Variants in HTR4 observed in about 807,000 individuals in gnomAD.
HTR4 encodes the protein 5-hydroxytryptamine receptor 4, also known as 5-hydroxytryptamine (serotonin) receptor 4, G protein-coupled.
Under a neutral mutation model 36.8 loss-of-function variants are expected in HTR4, and 16 were observed. The observed-to-expected ratio is 0.43, with a 90% CI of 0.29 to 0.66. HTR4 has a LOEUF of 0.66. Among genes scored for constraint, HTR4 ranks in the 30% least tolerant of loss-of-function variants. HTR4 has a pLI of 0.13. For missense variants in HTR4, 438 were observed against 490.9 expected (o/e 0.89, Z 1.02); for synonymous variants, 189 against 185.1 (o/e 1.02, Z -0.17).
chr5:148,586,968 A>T (rs1761371822), intron 2 of HTR4, among the ~76,000 whole-genome samples: 1 of 152,108 alleles, frequency 6.6e-6, no homozygotes, highest in African/African-American at 2.4e-5. Flanking sequence ...CTGCACTCTG[A>T]TGGCCCTGGG....
At chr5:148,541,838 G>A (rs920282006) in intron 4 of HTR4, among the ~76,000 whole-genome samples, 4 of 152,078 alleles carry the variant, frequency 2.6e-5, no homozygotes, top group African/African-American at 9.7e-5. Context: ...CACTCCCCAG[G>A]CCTCACCAAC....
intron 2 of HTR4, among the ~76,000 whole-genome samples, chr5:148,621,563 A>C (rs1015133199): frequency 6.6e-6 from 1 of 152,240 alleles, no homozygotes; most frequent in African/African-American, 2.4e-5. Flanking sequence ...GCTGTGGTCC[A>C]GCAAGTTTGT....
At chr5:148,616,190 C>A (rs1262443845) in intron 2 of HTR4, among the ~76,000 whole-genome samples, 3 of 152,154 alleles carry the variant, frequency 2.0e-5, no homozygotes, top group Non-Finnish European at 4.4e-5. Context: ...GACACACATG[C>A]TGTTGGATAT....
intron 4 of HTR4, among the ~76,000 whole-genome samples, chr5:148,532,762 A>G (rs751928021): frequency 1.1e-4 from 16 of 152,252 alleles, no homozygotes; most frequent in Non-Finnish European, 2.4e-4. Flanking sequence ...GTAGACAAAA[A>G]TAAGCCTAAA....
rs1429670239 is a variant in HTR4 at position 148,507,079 on chromosome 5, G to A, written c.1076+2377C>T. The stretch of plus-strand genomic sequence containing the variant: ...GCTATAAAGACACATGCACACGTAT[G>A]TTTATTGCGGCACTATTCACAATAG... On this transcript the variant is annotated intron_variant, in intron 6 of 6. Coordinates refer to ENST00000377888, the MANE Select transcript of HTR4 (RefSeq NM_000870.7). 6.6e-5 allele frequency among the ~76,000 whole-genome samples: 10 copies of A among 152,204 alleles called. 1 individual carries two copies. Among genetic ancestry groups the A allele is most frequent in the Admixed American group, 6.6e-4 (10 of 15,258 alleles).
intron 2 of HTR4, among the ~76,000 whole-genome samples, chr5:148,600,976 CAAAAAAAAAAAAAA>C (rs58003522): frequency 7.4e-5 from 1 of 13,546 alleles, no homozygotes; most frequent in Non-Finnish European, 1.3e-4. Context: ...AACTCAATAG[CAAAAAAAAAAAAAA>C]AAAAAAAAAA....
downstream of HTR4, among the ~76,000 whole-genome samples, chr5:148,472,556 T>C (rs1163886115): frequency 1.3e-5 from 2 of 152,164 alleles, no homozygotes; most frequent in Admixed American, 1.3e-4. Context: ...TTCTCTTTGG[T>C]ATGTAGGCCT....
intron 6 of HTR4, among the ~76,000 whole-genome samples, chr5:148,492,680 T>A (rs1196841150): frequency 6.6e-6 from 1 of 152,250 alleles, no homozygotes; most frequent in Non-Finnish European, 1.5e-5. Flanking sequence ...CCTGAACGGA[T>A]GTTATCAATT....
intron 2 of HTR4, among the ~76,000 whole-genome samples, chr5:148,577,602 T>G (rs1014552285): frequency 6.6e-6 from 1 of 151,938 alleles, no homozygotes; most frequent in African/African-American, 2.4e-5. Flanking sequence ...ATAAAGAAAA[T>G]GTGGTACATA....
In HTR4 at chr5:148,482,166, T is replaced by A; in HGVS notation, c.*1037A>T. ...AGCATTGCCTCGGCATCCCCAGTGC[T>A]GCTGGATCCTGCCCTCCTGCACCTT... is the stretch of plus-strand genomic sequence containing the variant. On this transcript the variant is annotated 3_prime_UTR_variant, in exon 7 of 7. Transcript: ENST00000377888. The A allele has an allele frequency of 1.0e-6, 1 of 985,768 alleles. No homozygotes were observed. The highest frequency in any genetic ancestry group is 1.2e-6 in the Non-Finnish European group (1 of 830,220). 61.1% of individuals were successfully genotyped at this position (985,768 alleles called of 1,614,324 possible). A position where few individuals can be genotyped will look rare whatever the true frequency, so the allele number is the denominator to read the frequency against.
intron 4 of HTR4, among the ~76,000 whole-genome samples, chr5:148,524,493 C>A (rs551157928): frequency 7.4e-4 from 113 of 152,310 alleles, no homozygotes; most frequent in African/African-American, 2.7e-3. Flanking sequence ...TAACTTTCTT[C>A]CTGCCTCCAG....
rs117718617 is a variant in HTR4, at chr5:148,496,763, G to A, written c.1076+12693C>T. Among the ~76,000 whole-genome samples the A allele has an allele frequency of 9.6e-4, 146 of 152,308 alleles. 3 individuals are homozygous for A. The East Asian group carries it at 0.027, about 28-fold the overall frequency. On this transcript the variant is annotated intron_variant, in intron 6 of 6. Transcript: ENST00000377888. The stretch of plus-strand genomic sequence containing the variant: ...CATCACCAGTGATGACAAGGAAACT[G>A]TTGATTTGTTAGCAATTCCCTCAGC...
chr5:148,523,369 A>G, intron 4 of HTR4, 23 bp from the exon 5 acceptor site: 3 of 1,581,104 alleles, frequency 1.9e-6, no homozygotes, highest in Non-Finnish European at 2.6e-6. Context: ...TAGAGGGCAG[A>G]GCATAGGCAT....
At chr5:148,529,528 G>T (rs943554965) in intron 4 of HTR4, among the ~76,000 whole-genome samples, 2 of 152,204 alleles carry the variant, frequency 1.3e-5, no homozygotes, top group African/African-American at 4.8e-5. Context: ...TGATTGTGAG[G>T]CTTCCCCATC....
At position 148,550,275 on chromosome 5, in the gene HTR4, C is replaced by T; in HGVS notation, c.27-13G>A. The T allele has an allele frequency of 6.2e-7, 1 of 1,613,702 alleles. No individual in the cohort carries two copies. ...ACCCTCCTCAGAACTGAAAGACACA[C>T]ACAAGCACAAAGAATTGAATGAAAC... On this transcript the variant is annotated splice_polypyrimidine_tract_variant and intron_variant, in intron 2 of 6. Coordinates refer to ENST00000377888, the MANE Select transcript of HTR4 (RefSeq NM_000870.7).
At chr5:148,552,083 C>T (rs761600873) in intron 2 of HTR4, among the ~76,000 whole-genome samples, 1 of 152,182 alleles carries the variant, frequency 6.6e-6, no homozygotes, top group Admixed American at 6.5e-5. Flanking sequence ...CAGATGGAAG[C>T]AGCCTGCAAA....
intron 6 of HTR4, 200 bp downstream of exon 6, chr5:148,509,256 A>C: frequency 1.9e-6 from 1 of 512,974 alleles, no homozygotes; most frequent in Non-Finnish European, 3.4e-6. Flanking sequence ...GGACTTGATT[A>C]GAATTCAAGT....
At chr5:148,624,107 G>A (rs1753008862) in intron 2 of HTR4, among the ~76,000 whole-genome samples, 1 of 152,200 alleles carries the variant, frequency 6.6e-6, no homozygotes, top group Admixed American at 6.5e-5. Context: ...GGTTATCGTA[G>A]TAGAGACAGT....
At chr5:148,451,144 T>C (rs1467005488) in exon 6 of HTR4, 5 of 1,612,558 alleles carry the variant, frequency 3.1e-6, no homozygotes, top group Non-Finnish European at 1.7e-6. Context: ...CATGCAAACA[T>C]GAATGCGAAT....
Sources: gnomAD v4.1 joint callset for allele counts (sites outside exome capture counted in the v4.1 genomes callset) on GRCh38, gnomAD v4.1.1 for gene constraint, MANE v1.5 for transcripts, NCBI Gene and HGNC (gene_info 2026-07-23, HGNC 2026-07-21) for gene names.